The following ZBTB2 variants were observed in gnomAD, a reference collection of about 807,000 sequenced individuals.
ZBTB2 encodes zinc finger and BTB domain containing 2, also known as zinc finger and BTB domain-containing protein 2.
Under a neutral mutation model 39.5 loss-of-function variants are expected in ZBTB2, and 2 were observed. The ratio of observed to expected loss-of-function variants is 0.05; its 90% CI spans 0.02 to 0.16. The LOEUF is 0.16. ZBTB2 is among the 10% of genes least tolerant of loss of function. ZBTB2 has a pLI of 1.00. For synonymous variants in ZBTB2, 251 were observed against 256.6 expected, an observed-to-expected ratio of 0.98 and a Z score of 0.21; for missense variants, 391 against 653.0, an observed-to-expected ratio of 0.60 and a Z score of 4.37.
At chr6:151,377,922 T>C (rs1322830321) in intron 1 of ZBTB2, 1 of 152,190 alleles carries the variant, frequency 6.6e-6, no homozygotes, top group Non-Finnish European at 1.5e-5. Context: ...GAATGCACTG[T>C]AGATAATGCA....
intron 2 of ZBTB2, among the ~76,000 whole-genome samples, chr6:151,371,248 T>C (rs60514499): frequency 0.048 from 7,261 of 152,252 alleles, 561 homozygotes; most frequent in African/African-American, 0.16. Flanking sequence ...ACTTCAGTCA[T>C]ACTGGGTGGT....
intron 2 of ZBTB2, among the ~76,000 whole-genome samples, chr6:151,368,400 C>T (rs1482347909): frequency 1.3e-5 from 2 of 152,158 alleles, no homozygotes; most frequent in African/African-American, 2.4e-5. Context: ...CTGCCCGCCT[C>T]GGCCTCCCAA....
At chr6:151,374,268 T>TA (rs1248005407) in intron 1 of ZBTB2, among the ~76,000 whole-genome samples, 1 of 152,148 alleles carries the variant, frequency 6.6e-6, no homozygotes, top group Non-Finnish European at 1.5e-5. Context: ...CCTTAACACT[T>TA]ACGGAGGAAG....
At chr6:151,370,939 A>G (rs1778775721) in intron 2 of ZBTB2, among the ~76,000 whole-genome samples, 1 of 152,242 alleles carries the variant, frequency 6.6e-6, no homozygotes, top group East Asian at 1.9e-4. Flanking sequence ...TCCTTGTTAG[A>G]AAGGCATTTA....
intron 2 of ZBTB2, among the ~76,000 whole-genome samples, chr6:151,369,146 C>T (rs117022855): frequency 0.016 from 2,505 of 152,202 alleles, 30 homozygotes; most frequent in Middle Eastern, 0.031. Context: ...GGTGACTCAA[C>T]GGTAAGCCTC....
intron 2 of ZBTB2, among the ~76,000 whole-genome samples, chr6:151,368,379 G>C (rs148593994): frequency 0.013 from 2,046 of 152,298 alleles, 35 homozygotes; most frequent in African/African-American, 0.047. Context: ...TTGATCTGCT[G>C]AACTCGTGAT....
At chr6:151,375,082 T>C (rs2114864362) in intron 1 of ZBTB2, among the ~76,000 whole-genome samples, 1 of 152,006 alleles carries the variant, frequency 6.6e-6, no homozygotes, top group South Asian at 2.1e-4. Context: ...CTCACACCAC[T>C]GCACTCCAGC....
chr6:151,373,843 TAAAAAAAAAAAAAAAAAAAA>T (rs200070063), intron 1 of ZBTB2, among the ~76,000 whole-genome samples, 194 bp from the exon 2 acceptor site: 4 of 45,958 alleles, frequency 8.7e-5, no homozygotes, highest in Non-Finnish European at 1.4e-4. Flanking sequence ...ATTATGCCTT[TAAAAAAAAAAAAAAAAAAAA>T]AAAAAAAAAA....
chr6:151,367,981 A>G (rs1354161898), intron 2 of ZBTB2, among the ~76,000 whole-genome samples: 1 of 152,248 alleles, frequency 6.6e-6, no homozygotes, highest in Non-Finnish European at 1.5e-5. Flanking sequence ...CACAAGGTAT[A>G]TATTATATTC....
At chr6:151,374,567 C>T (rs1270903912) in intron 1 of ZBTB2, among the ~76,000 whole-genome samples, 1 of 151,872 alleles carries the variant, frequency 6.6e-6, no homozygotes, top group Non-Finnish European at 1.5e-5. Flanking sequence ...ACACACAGAC[C>T]AACATTATAT....
chr6:151,387,444 A>C (rs1041398679), intron 1 of ZBTB2, among the ~76,000 whole-genome samples: 7 of 152,132 alleles, frequency 4.6e-5, no homozygotes, highest in African/African-American at 1.7e-4. Flanking sequence ...TGAATCCTGA[A>C]AGGATCCTGG....
chr6:151,379,016 T>C (rs2114870069), intron 1 of ZBTB2, among the ~76,000 whole-genome samples: 1 of 152,336 alleles, frequency 6.6e-6, no homozygotes, highest in Admixed American at 6.5e-5. Context: ...TGGGATTCAC[T>C]TGGTTAGTTG....
At chr6:151,385,470 T>G (rs1355104687) in intron 1 of ZBTB2, among the ~76,000 whole-genome samples, 1 of 152,210 alleles carries the variant, frequency 6.6e-6, no homozygotes, top group Non-Finnish European at 1.5e-5. Context: ...ACAATTATGT[T>G]GTATTTTGAC....
intron 2 of ZBTB2, among the ~76,000 whole-genome samples, chr6:151,373,068 T>C (rs932128074): frequency 1.4e-5 from 2 of 138,788 alleles, no homozygotes; most frequent in African/African-American, 2.7e-5. Context: ...AGCAGGAGAA[T>C]GGCGTGAACC....
In ZBTB2 at chr6:151,366,418, G is replaced by A. The variant is rs760461055; in HGVS notation, c.648C>T (p.Pro216=). 12 of 1,613,910 alleles carry A rather than the reference G, an allele frequency of 7.4e-6. No homozygotes were observed. Among genetic ancestry groups the A allele is most frequent in the African/African-American group, 5.3e-5 (4 of 74,884 alleles). Residue 216 remains proline, a synonymous_variant, in exon 3 of 3, where the codon CCC becomes CCT. Coordinates refer to ENST00000325144, the MANE Select transcript of ZBTB2 (RefSeq NM_020861.3). This position sits in a 1 kb window ranked among gnomAD's most constrained non-coding sequence, Gnocchi z 7.1. ...LVSTPVPPPP[P]GEETNLEASS... ...ATGCTTCCAGATTGGTCTCCTCCCC[G>A]GGAGGAGGGGGAGGAACAGGAGTGG... is the stretch of plus-strand genomic sequence containing the variant.
intron 2 of ZBTB2, among the ~76,000 whole-genome samples, chr6:151,367,259 T>A (rs773036129): frequency 6.6e-6 from 1 of 152,096 alleles, no homozygotes; most frequent in East Asian, 1.9e-4. Context: ...TAGCTGGGAT[T>A]ACAGGCGCTC....
rs12663520 is a variant in ZBTB2 at position 151,386,066 on chromosome 6, T to C, written c.-13+5354A>G. On this transcript the variant is annotated intron_variant, in intron 1 of 2. Transcript: ENST00000325144. ...TTCCCTATGTTTACACTTAAATTAGTTTTTAGTTTCCAAATGTAAGTTGGG... is the reference window on the plus strand; with the variant it reads ...TTCCCTATGTTTACACTTAAATTAGCTTTTAGTTTCCAAATGTAAGTTGGG... 1.6e-4 allele frequency among the ~76,000 whole-genome samples: 24 copies of C among 152,276 alleles called. 2 individuals carry two copies. The East Asian group carries it at 2.1e-3, about 13-fold the overall frequency.
intron 2 of ZBTB2, among the ~76,000 whole-genome samples, chr6:151,371,744 C>G (rs1320853908): frequency 6.6e-6 from 1 of 152,102 alleles, no homozygotes; most frequent in Non-Finnish European, 1.5e-5. Flanking sequence ...GGTTTCTCAT[C>G]AAACACTACA....
chr6:151,372,439 G>A (rs909617029), intron 2 of ZBTB2, among the ~76,000 whole-genome samples: 52 of 152,224 alleles, frequency 3.4e-4, no homozygotes, highest in African/African-American at 1.2e-3. Flanking sequence ...AAGCAGCACC[G>A]TAACTCAGGC....
Sources: allele counts gnomAD v4.1 joint callset (sites outside exome capture counted in the v4.1 genomes callset), GRCh38; gene constraint gnomAD v4.1.1; non-coding constraint Gnocchi (gnomAD v3.1); transcripts MANE v1.5; gene names NCBI Gene and HGNC (gene_info 2026-07-23, HGNC 2026-07-21).